METTL13: variants seen among roughly 807,000 people sequenced by gnomAD.
METTL13 encodes eEF1A lysine and N-terminal methyltransferase.
Under a neutral mutation model 67.4 loss-of-function variants are expected in METTL13, and 52 were observed. The ratio of observed to expected loss-of-function variants is 0.77; its 90% CI spans 0.62 to 0.97. METTL13 has a LOEUF of 0.97. Ranked by LOEUF, METTL13 falls within the 50% of genes least tolerant of loss-of-function variation. METTL13 has a pLI of 0.00. For synonymous variants in METTL13, 354 were observed against 353.6 expected (o/e 1.00, Z -0.01); for missense variants, 825 against 889.6 (o/e 0.93, Z 0.92).
chr1:171,789,843 C>T lies in METTL13; in HGVS notation c.1310-609C>T, dbSNP rs575380605. On this transcript the variant is annotated intron_variant, in intron 4 of 7. Transcript: ENST00000361735. The stretch of plus-strand genomic sequence containing the variant: ...GTTTAATGACTATGTCTTTGTGGGG[C>T]GGGGTAGGGGGGGCACATCCTAATT... Among the ~76,000 whole-genome samples, 12 of 50,534 alleles carry T rather than the reference C, an allele frequency of 2.4e-4. 1 individual carries two copies. Among genetic ancestry groups the T allele is most frequent in the South Asian group, 1.8e-3 (4 of 2,214 alleles). 33.2% of individuals were successfully genotyped at this position (50,534 alleles called of 152,430 possible).
chr1:171,794,529 T>C lies in METTL13; in HGVS notation c.1825+2T>C. 6.2e-7 allele frequency: 1 copy of C among 1,614,096 alleles called. No individual in the cohort carries two copies. Among genetic ancestry groups the C allele is most frequent in the Non-Finnish European group, 8.5e-7 (1 of 1,180,000 alleles). ...TTAAAAGCATCTTGACTCCTGAAGG[T>C]ATGGAGAACAAAAGGTGGGAGAGGG... On this transcript the variant is annotated splice_donor_variant, in intron 7 of 7. Coordinates refer to ENST00000361735, the MANE Select transcript of METTL13 (RefSeq NM_015935.5). LOFTEE classifies it high-confidence loss of function.
Position 171,792,029 on chromosome 1 carries a change from CATT to C in METTL13, c.1488_1490del (p.Leu498del). ...TCTTTTCTTACAGAGATCCCACTGG[CATT>C]GTTGGTGGTAGGCCTGGGCGGGGGC... On this transcript the variant is annotated inframe_deletion, in exon 6 of 8. Transcript: ENST00000361735. The C allele has an allele frequency of 6.2e-7, 1 of 1,612,630 alleles. No homozygotes were observed. Among genetic ancestry groups the C allele is most frequent in the Non-Finnish European group, 8.5e-7 (1 of 1,180,022 alleles).
rs201725895 is a variant in METTL13, at chr1:171,783,870, G to A, written c.284G>A (p.Arg95Gln). ...KQMKECNATRRPQMSFLKMDM... is the reference protein window; with the variant it reads ...KQMKECNATRQPQMSFLKMDM... ...ATGAAGGAATGTAATGCCACCCGAC[G>A]GCCCCAGATGAGCTTCTTGAAGATG... Residue 95 changes from arginine to glutamine, a missense_variant, in exon 2 of 8, where the codon CGG (arginine) becomes CAG (glutamine). By Grantham distance (43) the Arg-to-Gln change is conservative. Transcript: ENST00000361735. 5.6e-6 allele frequency: 9 copies of A among 1,614,152 alleles called. No homozygotes were observed. Among genetic ancestry groups the A allele is most frequent in the East Asian group, 2.2e-5 (1 of 44,880 alleles).
chr1:171,794,676 C>T lies in METTL13; in HGVS notation c.1825+149C>T. 8.8e-6 allele frequency: 10 copies of T among 1,141,916 alleles called. No homozygotes were observed. The South Asian group carries it at 1.4e-4, about 16-fold the overall frequency. The allele number at this position is 1,141,916 out of a possible 1,614,324, so 70.7% of individuals were successfully genotyped here. Reference sequence around the variant, plus strand: ...ACTAGCACTAGACACAGAAAATTTCCAGCTTGCCAGAAAGTCGTATCTCTT... The same window carrying T: ...ACTAGCACTAGACACAGAAAATTTCTAGCTTGCCAGAAAGTCGTATCTCTT... On this transcript the variant is annotated intron_variant, in intron 7 of 7. Transcript: ENST00000361735.
At chr1:171,786,560 GTAT>G (rs1657022047) in intron 3 of METTL13, among the ~76,000 whole-genome samples, 1 of 152,216 alleles carries the variant, frequency 6.6e-6, no homozygotes, top group Non-Finnish European at 1.5e-5. Flanking sequence ...TGGTGATATG[GTAT>G]TATCAGTTAA....
At chr1:171,795,483 A>G (rs902848301) in intron 7 of METTL13, among the ~76,000 whole-genome samples, 2 of 152,238 alleles carry the variant, frequency 1.3e-5, no homozygotes, top group Non-Finnish European at 2.9e-5. Context: ...TCCCACCAGC[A>G]TGGTGATGCT....
rs772832870 is a variant in METTL13, at chr1:171,787,717, C to A, written c.1114-18C>A. On this transcript the variant is annotated intron_variant, in intron 3 of 7. Transcript: ENST00000361735. ...AAATGAGCTGCTGTTTTGACCACATCTCTGGTTGTACCTTCAGGTCCCCTT... is the reference window on the plus strand; with the variant it reads ...AAATGAGCTGCTGTTTTGACCACATATCTGGTTGTACCTTCAGGTCCCCTT... 2 of 1,605,690 alleles carry A rather than the reference C, an allele frequency of 1.2e-6. No homozygotes were observed. Among genetic ancestry groups the A allele is most frequent in the Non-Finnish European group, 1.7e-6 (2 of 1,173,268 alleles).
At position 171,781,964 on chromosome 1, in the gene METTL13, G is replaced by A. The variant is rs1558128175; in HGVS notation, c.-4G>A. The stretch of plus-strand genomic sequence containing the variant: ...CTTGAAAACGCAGCTTCGGCAGTAG[G>A]AACATGAACCTCTTACCTAAAAGTT... On this transcript the variant is annotated 5_prime_UTR_variant, in exon 1 of 8. Transcript: ENST00000361735. 2 of 1,614,076 alleles carry A rather than the reference G, an allele frequency of 1.2e-6. No individual in the cohort carries two copies. Among genetic ancestry groups the A allele is most frequent in the Non-Finnish European group, 1.7e-6 (2 of 1,179,980 alleles).
At chr1:171,794,026 G>T (rs531513990) in intron 6 of METTL13, among the ~76,000 whole-genome samples, 1 of 152,198 alleles carries the variant, frequency 6.6e-6, no homozygotes, top group Admixed American at 6.5e-5. Context: ...GTTGGTTGGC[G>T]TGTAGTACAC....
At chr1:171,793,604 T>G (rs1657274201) in intron 6 of METTL13, among the ~76,000 whole-genome samples, 1 of 152,258 alleles carries the variant, frequency 6.6e-6, no homozygotes, top group Non-Finnish European at 1.5e-5. Context: ...TGAATAATTA[T>G]GACCACAGTC....
In METTL13 at chr1:171,783,753, G is replaced by A. The variant is rs748017579; in HGVS notation, c.167G>A (p.Gly56Glu). ...IKPREKVLVI[G>E]CGNSELSEQL... ...TTTTTTCTCCAGGTGCTGGTGATTG[G>A]GTGTGGCAACTCAGAACTGAGTGAG... is the stretch of plus-strand genomic sequence containing the variant. Residue 56 changes from glycine (G) to glutamate (E), a missense_variant, in exon 2 of 8, where the codon GGG (glycine) becomes GAG (glutamate). Physicochemically the swap from Gly to Glu is moderately conservative, Grantham distance 98. Transcript: ENST00000361735. The A allele has an allele frequency of 5.7e-5, 91 of 1,606,004 alleles. No individual in the cohort carries two copies. Among genetic ancestry groups the A allele is most frequent in the Admixed American group, 2.2e-4 (13 of 59,732 alleles).
chr1:171,781,894 G>A lies in METTL13; in HGVS notation c.-74G>A. Reference sequence around the variant, plus strand: ...CTGCAGTGTCCCGGAGCCTGCGTGTGGTGGGCAAGCTCCTCAAATGGTATC... The same window carrying A: ...CTGCAGTGTCCCGGAGCCTGCGTGTAGTGGGCAAGCTCCTCAAATGGTATC... On this transcript the variant is annotated 5_prime_UTR_variant, in exon 1 of 8. Coordinates refer to ENST00000361735, the MANE Select transcript of METTL13 (RefSeq NM_015935.5). 6 of 1,582,950 alleles carry A rather than the reference G, an allele frequency of 3.8e-6. No homozygotes were observed. Among genetic ancestry groups the A allele is most frequent in the Non-Finnish European group, 5.2e-6 (6 of 1,163,860 alleles).
rs139771818 is a variant in METTL13, at chr1:171,784,129, G to A, written c.543G>A (p.Val181=). The change falls in exon 2 of 8, where the codon GTG becomes GTA. Residue 181 remains valine (V), a synonymous_variant. Transcript: ENST00000361735. ...ACTTCTCCCGGGAGGGGTGGATGGT[G>A]AGGGTGCACCAAGTGGCCAACAGCC... The part of the protein sequence containing the change: ...VGHFSREGWM[V]RVHQVANSQD... 6,183 of 1,614,270 alleles carry A rather than the reference G, an allele frequency of 3.8e-3. 140 individuals are homozygous for A. In the South Asian group the frequency reaches 0.043, roughly 11 times the overall value.
At chr1:171,795,934 C>T (rs140395615) in intron 7 of METTL13, among the ~76,000 whole-genome samples, 2,384 of 152,276 alleles carry the variant, frequency 0.016, 66 homozygotes, top group African/African-American at 0.054. Context: ...CCTCTGCCTC[C>T]TGGGTTCAAG....
rs775222517 is a variant in METTL13, at chr1:171,787,844, A to C, written c.1223A>C (p.Lys408Thr). The C allele has an allele frequency of 1.2e-6, 2 of 1,614,142 alleles. No individual in the cohort carries two copies. Among genetic ancestry groups the C allele is most frequent in the Non-Finnish European group, 1.7e-6 (2 of 1,180,030 alleles). Residue 408 changes from lysine to threonine, a missense_variant, in exon 4 of 8, where the codon AAG becomes ACG. Lys to Thr is a moderately conservative substitution (Grantham distance 78). Coordinates refer to ENST00000361735, the MANE Select transcript of METTL13 (RefSeq NM_015935.5). ...ATTGAGGATGTGCAAGGGGATGACA[A>C]GCGATACTTCCGTCGACTGATCTTC... ...YVIEDVQGDDKRYFRRLIFLS... is the reference protein window; with the variant it reads ...YVIEDVQGDDTRYFRRLIFLS...
chr1:171,788,228 G>A (rs1657089944), intron 4 of METTL13, among the ~76,000 whole-genome samples: 1 of 152,210 alleles, frequency 6.6e-6, no homozygotes, highest in Non-Finnish European at 1.5e-5. Context: ...TGTTTCAATA[G>A]GCCTCTGTGA....
rs1351820171 is a variant in METTL13 at position 171,797,094 on chromosome 1, T to G, written c.*338T>G. On this transcript the variant is annotated 3_prime_UTR_variant, in exon 8 of 8. Coordinates refer to ENST00000361735, the MANE Select transcript of METTL13 (RefSeq NM_015935.5). Reference sequence around the variant, plus strand: ...AGAACTCAAGACATCCAAATTTTATTGCGTCTCTACTTATACTGGTTTGCT... The same window carrying G: ...AGAACTCAAGACATCCAAATTTTATGGCGTCTCTACTTATACTGGTTTGCT... The G allele has an allele frequency of 3.6e-6, 1 of 276,056 alleles. No individual in the cohort carries two copies. The highest frequency in any genetic ancestry group is 6.9e-6 in the Non-Finnish European group (1 of 143,926). The allele number at this position is 276,056 out of a possible 1,614,324, so 17.1% of individuals were successfully genotyped here.
chr1:171,795,370 A>G (rs1463483534), intron 7 of METTL13, among the ~76,000 whole-genome samples: 1 of 152,190 alleles, frequency 6.6e-6, no homozygotes, highest in Admixed American at 6.5e-5. Flanking sequence ...TCTCTTGGGT[A>G]TATACACAGG....
At position 171,790,550 on chromosome 1, in the gene METTL13, T is replaced by C; in HGVS notation, c.1408T>C (p.Cys470Arg). The change falls in exon 5 of 8, where the codon TGT becomes CGT. Residue 470 changes from cysteine (C) to arginine (R), a missense_variant. Transcript: ENST00000361735. ...GCAGTCCATTGATAAGAGTTACCTG[T>C]GTTGTGAACACCACAAAGCCATGAT... ...PGQSIDKSYL[C>R]CEHHKAMIAG... The C allele has an allele frequency of 1.9e-6, 3 of 1,612,422 alleles. No individual in the cohort carries two copies. The highest frequency in any genetic ancestry group is 2.5e-6 in the Non-Finnish European group (3 of 1,179,590).
Sources: allele counts gnomAD v4.1 joint callset (sites outside exome capture counted in the v4.1 genomes callset), GRCh38; gene constraint gnomAD v4.1.1; transcripts MANE v1.5; gene names NCBI Gene and HGNC (gene_info 2026-07-23, HGNC 2026-07-21).